Variants in EDARADD observed in about 807,000 individuals in gnomAD.
The protein encoded by EDARADD is EDAR associated via death domain, also known as ectodysplasin-A receptor-associated adapter protein.
EDARADD carries 20 observed loss-of-function variants against 25.6 expected under a neutral mutation model. The observed-to-expected ratio is 0.78, with a 90% CI of 0.55 to 1.14. The LOEUF is 1.14. Ranked by LOEUF, EDARADD falls within the 50% of genes most tolerant of loss-of-function variation. The pLI, the probability that EDARADD is intolerant of heterozygous loss-of-function variation, is 0.00. For synonymous variants in EDARADD, 86 were observed against 94.4 expected (o/e 0.91, Z 0.52); for missense variants, 225 against 270.1 (o/e 0.83, Z 1.17).
intron 4 of EDARADD, among the ~76,000 whole-genome samples, chr1:236,444,967 C>T (rs541065626): frequency 2.6e-5 from 4 of 152,084 alleles, no homozygotes; most frequent in East Asian, 1.9e-4. Context: ...TATTTCATCT[C>T]GGAGGGAGTT....
intron 3 of EDARADD, among the ~76,000 whole-genome samples, chr1:236,416,753 C>T (rs1018255503): frequency 2.8e-4 from 42 of 152,130 alleles, no homozygotes; most frequent in Non-Finnish European, 4.3e-4. Context: ...AAACTTACTC[C>T]TACATTTGCG....
intron 4 of EDARADD, among the ~76,000 whole-genome samples, chr1:236,454,034 CTT>C (rs958915430): frequency 8.2e-6 from 1 of 122,522 alleles, no homozygotes; most frequent in African/African-American, 3.9e-5. Context: ...GAGTTTGTAT[CTT>C]TTTCTTTTTC....
chr1:236,352,603 T>A (rs1666929222), intron 3 of EDARADD, among the ~76,000 whole-genome samples: 1 of 152,108 alleles, frequency 6.6e-6, no homozygotes, highest in Admixed American at 6.5e-5. Context: ...ATCCCAGCAC[T>A]TTGGGAGGCC....
upstream of EDARADD, among the ~76,000 whole-genome samples, chr1:236,391,488 G>C (rs1667425239): frequency 6.6e-6 from 1 of 152,114 alleles, no homozygotes; most frequent in East Asian, 1.9e-4. Flanking sequence ...GTAGGAACTG[G>C]CACATTCTGA....
chr1:236,402,553 T>C (rs1667632154), intron 1 of EDARADD, among the ~76,000 whole-genome samples: 1 of 152,118 alleles, frequency 6.6e-6, no homozygotes, highest in Admixed American at 6.5e-5. Context: ...TGAAACCCTG[T>C]CTCAAAATTT....
chr1:236,354,439 T>A (rs1666953128), intron 3 of EDARADD, among the ~76,000 whole-genome samples: 1 of 152,170 alleles, frequency 6.6e-6, no homozygotes, highest in Non-Finnish European at 1.5e-5. Context: ...GATGATAACA[T>A]CTGTGATCTG....
chr1:236,413,013 G>A lies in EDARADD; in HGVS notation c.121-1247G>A, dbSNP rs191164883. On this transcript the variant is annotated intron_variant, in intron 2 of 5. Transcript: ENST00000334232. ...TGAGCAGCTGGGATTACAGGCACGGGCCACCATGCCCAGCTAATTTTTGTA... is the reference window on the plus strand; with the variant it reads ...TGAGCAGCTGGGATTACAGGCACGGACCACCATGCCCAGCTAATTTTTGTA... Among the ~76,000 whole-genome samples, 1,157 of 152,280 alleles carry A rather than the reference G, an allele frequency of 7.6e-3. 12 individuals carry two copies. Among genetic ancestry groups the A allele is most frequent in the African/African-American group, 0.026 (1,101 of 41,564 alleles).
chr1:236,384,825 T>G (rs1471093136), intron 3 of EDARADD, among the ~76,000 whole-genome samples: 1 of 152,210 alleles, frequency 6.6e-6, no homozygotes, highest in Non-Finnish European at 1.5e-5. Flanking sequence ...ATAATTTCAT[T>G]GCCTATTTTT....
At chr1:236,353,901 CA>C (rs1209956229) in intron 3 of EDARADD, among the ~76,000 whole-genome samples, 1 of 151,536 alleles carries the variant, frequency 6.6e-6, no homozygotes, top group Non-Finnish European at 1.5e-5. Flanking sequence ...TTTTTTTTTG[CA>C]AGAGAAAAGA....
Position 236,483,475 on chromosome 1 carries a change from C to A in EDARADD, c.*826C>A. 6 of 1,032,822 alleles carry A rather than the reference C, an allele frequency of 5.8e-6. No individual in the cohort carries two copies. The highest frequency in any genetic ancestry group is 3.8e-5 in the South Asian group (3 of 79,342). 64.0% of individuals were successfully genotyped at this position (1,032,822 alleles called of 1,614,324 possible). On this transcript the variant is annotated 3_prime_UTR_variant, in exon 6 of 6. Coordinates refer to ENST00000334232, the MANE Select transcript of EDARADD (RefSeq NM_145861.4). The stretch of plus-strand genomic sequence containing the variant: ...GAGATGGATGGAACAGAAAATAAAT[C>A]TAAATTTGGTGCAAATGCCATTCTG...
At chr1:236,414,059 A>AT (rs1657569513) in intron 2 of EDARADD, among the ~76,000 whole-genome samples, 1 of 152,248 alleles carries the variant, frequency 6.6e-6, no homozygotes, top group Non-Finnish European at 1.5e-5. Context: ...ATGTTCCAGC[A>AT]TTAACCTCTT....
rs10925113 is a variant in EDARADD at position 236,388,463 on chromosome 1, A to C, written c.-5-20753A>C. Reference sequence around the variant, plus strand: ...TGAGTTAGCATTGAATCTGTAGATTAATTAAGGAATCATGACTATCTTTAC... The same window carrying C: ...TGAGTTAGCATTGAATCTGTAGATTCATTAAGGAATCATGACTATCTTTAC... On this transcript the variant is annotated intron_variant, in intron 3 of 7. Coordinates refer to the EDARADD transcript ENST00000439430. Among the ~76,000 whole-genome samples the C allele has an allele frequency of 4.3e-3, 660 of 152,374 alleles. 7 individuals are homozygous for C. The highest frequency in any genetic ancestry group is 0.015 in the African/African-American group (619 of 41,586).
chr1:236,393,329 T>C (rs1041115707), upstream of EDARADD, among the ~76,000 whole-genome samples: 1 of 151,992 alleles, frequency 6.6e-6, no homozygotes, highest in African/African-American at 2.4e-5. Flanking sequence ...GACTCTGAGA[T>C]TGAGTGTTTG....
intron 1 of EDARADD, among the ~76,000 whole-genome samples, chr1:236,405,869 C>T (rs1667716846): frequency 1.7e-5 from 1 of 60,542 alleles, no homozygotes; most frequent in Non-Finnish European, 3.2e-5. Flanking sequence ...TTCCTTCCTT[C>T]CTTCCTTCTT....
chr1:236,403,233 G>T (rs1667645677), intron 1 of EDARADD, among the ~76,000 whole-genome samples: 2 of 152,108 alleles, frequency 1.3e-5, no homozygotes, highest in Non-Finnish European at 2.9e-5. Context: ...TGGGATTACG[G>T]GCGTGAGCCA....
chr1:236,438,288 G>A (rs1310968093), intron 4 of EDARADD, among the ~76,000 whole-genome samples: 1 of 152,240 alleles, frequency 6.6e-6, no homozygotes, highest in African/African-American at 2.4e-5. Flanking sequence ...TGGGAATTGT[G>A]TGGAGACACA....
At chr1:236,428,487 A>G (rs1279948636) in intron 4 of EDARADD, among the ~76,000 whole-genome samples, 1 of 152,072 alleles carries the variant, frequency 6.6e-6, no homozygotes, top group African/African-American at 2.4e-5. Context: ...GCTGTTGGGT[A>G]CACCGCCCAG....
At chr1:236,390,415 C>T (rs1307512285), upstream of EDARADD, among the ~76,000 whole-genome samples, 2 of 152,052 alleles carry the variant, frequency 1.3e-5, no homozygotes, top group East Asian at 1.9e-4. Flanking sequence ...ATTAGCTGGG[C>T]GTGGTGGCGG....
chr1:236,484,436 C>G lies in EDARADD; in HGVS notation c.*1787C>G. 6.2e-7 allele frequency: 1 copy of G among 1,607,922 alleles called. No individual in the cohort carries two copies. On this transcript the variant is annotated 3_prime_UTR_variant, in exon 6 of 6. Transcript: ENST00000334232. This position sits in a 1 kb window ranked among gnomAD's most constrained non-coding sequence, Gnocchi z 4.1. ...AGCTGGGCAGCAAGGCTAAGTTTGC[C>G]GGCAGGAACTTCAGAAACCCCCCAG...
Sources: allele counts gnomAD v4.1 joint callset (sites outside exome capture counted in the v4.1 genomes callset), GRCh38; gene constraint gnomAD v4.1.1; non-coding constraint Gnocchi (gnomAD v3.1); transcripts MANE v1.5; gene names NCBI Gene and HGNC (gene_info 2026-07-23, HGNC 2026-07-21).